The following CTSD variants were observed in gnomAD, a reference collection of about 807,000 sequenced individuals.
CTSD encodes the protein ceroid-lipofuscinosis, neuronal 10.
CTSD carries 28 observed loss-of-function variants against 43.6 expected under a neutral mutation model. The observed-to-expected ratio is 0.64, with a 90% CI of 0.48 to 0.88. CTSD has a LOEUF of 0.88. Ranked by LOEUF, CTSD falls within the 40% of genes least tolerant of loss-of-function variation. The probability of loss-of-function intolerance (pLI) is 0.00; values close to 1 mark genes in which losing one functional copy is unlikely to be tolerated. For missense variants in CTSD, 485 were observed against 555.2 expected, an observed-to-expected ratio of 0.87 and a Z score of 1.27; for synonymous variants, 270 against 249.8, an observed-to-expected ratio of 1.08 and a Z score of -0.76.
chr11:1,757,174 C>A, intron 5 of CTSD, 150 bp downstream of exon 5: 1 of 731,280 alleles, frequency 1.4e-6, no homozygotes, highest in South Asian at 1.5e-5. Context: ...GGCCAACCCC[C>A]GCCTCCCGGA....
At position 1,761,306 on chromosome 11, in the gene CTSD, C is replaced by CA; in HGVS notation, c.228+2dup. 1 of 1,613,690 alleles carries CA rather than the reference C, an allele frequency of 6.2e-7. No homozygotes were observed. The highest frequency in any genetic ancestry group is 8.5e-7 in the Non-Finnish European group (1 of 1,179,994). The stretch of plus-strand genomic sequence containing the variant: ...TGCAGCAGGGCTAAGACCTCATACT[C>CA]ACGTCCATGTAGTTCTTGAGCACCT... On this transcript the variant is annotated splice_region_variant and intron_variant, in intron 2 of 8. Transcript: ENST00000236671.
At chr11:1,761,081 C>T in intron 2 of CTSD, 1 of 573,942 alleles carries the variant, frequency 1.7e-6, no homozygotes, top group East Asian at 3.1e-5. Flanking sequence ...CACTCCCAAT[C>T]ACCCTCCCAG....
intron 5 of CTSD, 100 bp downstream of exon 5, chr11:1,757,224 A>T: frequency 1.0e-6 from 1 of 997,052 alleles, no homozygotes; most frequent in Non-Finnish European, 1.5e-6. Context: ...GCACAGCAGC[A>T]GGGAGGGGGC....
At position 1,758,918 on chromosome 11, in the gene CTSD, C is replaced by T. The variant is rs566253161; in HGVS notation, c.471+51G>A. 9.8e-6 allele frequency: 13 copies of T among 1,323,674 alleles called. No homozygotes were observed. The African/African-American group carries it at 1.4e-4, about 15-fold the overall frequency. The allele number at this position is 1,323,674 out of a possible 1,614,324, so 82.0% of individuals were successfully genotyped here. A position where few individuals can be genotyped will look rare whatever the true frequency, so the allele number is the denominator to read the frequency against. ...CAACCACATACCCACGGTGGGTGAA[C>T]CCCACACCCTGGCACCCTCGAGTCC... On this transcript the variant is annotated intron_variant, in intron 4 of 8. Coordinates refer to ENST00000236671, the MANE Select transcript of CTSD (RefSeq NM_001909.5).
chr11:1,757,318 GC>G lies in CTSD; in HGVS notation c.704+5del, dbSNP rs1565021041. ...ACGCGGAGCGAGAGGGAACCCACAC[GC>G]CCACCTGCTCAGGTAGAAGGAGAAG... On this transcript the variant is annotated splice_donor_5th_base_variant and intron_variant, in intron 5 of 8. Coordinates refer to ENST00000236671, the MANE Select transcript of CTSD (RefSeq NM_001909.5). 6.2e-7 allele frequency: 1 copy of G among 1,610,536 alleles called. No individual in the cohort carries two copies. Among genetic ancestry groups the G allele is most frequent in the Non-Finnish European group, 8.5e-7 (1 of 1,177,410 alleles).
intron 4 of CTSD, chr11:1,757,856 C>T (rs1845828913): frequency 2.1e-6 from 1 of 473,048 alleles, no homozygotes; most frequent in Non-Finnish European, 3.9e-6. Context: ...CTTACTCCCA[C>T]CACCAATGAC....
At chr11:1,754,308 C>T (rs940679941) in intron 6 of CTSD, 170 bp from the exon 7 acceptor site, 10 of 711,238 alleles carry the variant, frequency 1.4e-5, no homozygotes, top group Middle Eastern at 3.3e-4. Context: ...GGAGAGGAGA[C>T]ACAGAGTGGT....
At position 1,753,704 on chromosome 11, in the gene CTSD, A is replaced by G. The variant is rs112379600; in HGVS notation, c.1072-34T>C. 145,254 of 1,610,814 alleles carry G rather than the reference A, an allele frequency of 0.09. 6,990 individuals are homozygous for G. Among genetic ancestry groups the G allele is most frequent in the Middle Eastern group, 0.13 (768 of 6,050 alleles). On this transcript the variant is annotated intron_variant, in intron 8 of 8. Transcript: ENST00000236671. ...GCCCTGGTGGTCAGTACCCAGGCCT[A>G]GCACCACCCGCCCCCCCACCTGTTG...
At position 1,753,492 on chromosome 11, in the gene CTSD, C is replaced by T. The variant is rs377057633; in HGVS notation, c.*11G>A. 4.3e-5 allele frequency: 69 copies of T among 1,612,900 alleles called. No individual in the cohort carries two copies. Among genetic ancestry groups the T allele is most frequent in the South Asian group, 9.9e-5 (9 of 91,080 alleles). On this transcript the variant is annotated 3_prime_UTR_variant, in exon 9 of 9. Transcript: ENST00000236671. The stretch of plus-strand genomic sequence containing the variant: ...CTCTGTTTCTGTGCTGGCGCGCGGA[C>T]GCCTTGGGAACTAGAGGCGGGCAGC...
At chr11:1,763,180 G>T (rs1269441241) in intron 1 of CTSD, 1 of 152,534 alleles carries the variant, frequency 6.6e-6, no homozygotes, top group African/African-American at 2.4e-5. Context: ...TCGGCCTGAG[G>T]AGCGTGTGGG....
chr11:1,757,627 A>C, intron 4 of CTSD, 71 bp from the exon 5 acceptor site: 1 of 1,302,734 alleles, frequency 7.7e-7, no homozygotes, highest in Non-Finnish European at 1.1e-6. Flanking sequence ...GCATGAGGCT[A>C]CAAAACCCAG....
At chr11:1,761,633 G>A (rs1424303474) in intron 1 of CTSD, 165 bp from the exon 2 acceptor site, 1 of 759,192 alleles carries the variant, frequency 1.3e-6, no homozygotes, top group Non-Finnish European at 2.3e-6. Context: ...GCTCCCCCAA[G>A]TCAGTGAATG....
At chr11:1,756,298 A>G (rs928397374) in intron 5 of CTSD, among the ~76,000 whole-genome samples, 2 of 152,146 alleles carry the variant, frequency 1.3e-5, no homozygotes, top group African/African-American at 4.8e-5. Flanking sequence ...CTGTGCCCCA[A>G]GGCTCCTGGG....
Position 1,757,377 on chromosome 11 carries a change from G to A in CTSD, c.651C>T (p.Asn217=), listed in dbSNP as rs1300811596. The A allele has an allele frequency of 1.9e-6, 3 of 1,614,058 alleles. No individual in the cohort carries two copies. The highest frequency in any genetic ancestry group is 2.7e-5 in the African/African-American group (2 of 74,960). The change falls in exon 5 of 9, where the codon AAC becomes AAT. Residue 217 remains asparagine, a synonymous_variant. Transcript: ENST00000236671. ...SVNNVLPVFD[N]LMQQKLVDQN... ...GGTCCACCAGCTTCTGCTGCATCAG[G>A]TTGTCGAAGACGGGCAGCACGTTGT...
At chr11:1,759,465 A>T (rs758533592) in intron 3 of CTSD, 51 bp downstream of exon 3, 3 of 1,610,228 alleles carry the variant, frequency 1.9e-6, no homozygotes, top group Non-Finnish European at 1.7e-6. Context: ...CCCTGCAGCG[A>T]CATCCCGGAA....
In CTSD at chr11:1,757,496, C is replaced by G; in HGVS notation, c.532G>C (p.Val178Leu). ...GGCTGCTTGGTGGCCTCCCCAAAGA[C>G]CTGCCTCTCCACTTTGACACCGCCC... Reference protein sequence around the residue: ...ALGGVKVERQVFGEATKQPGI... With the variant: ...ALGGVKVERQLFGEATKQPGI... The change falls in exon 5 of 9, where the codon GTC (valine) becomes CTC (leucine). Residue 178 changes from valine (V) to leucine (L), a missense_variant. Val to Leu is a conservative substitution (Grantham distance 32). Coordinates refer to ENST00000236671, the MANE Select transcript of CTSD (RefSeq NM_001909.5). 1 of 1,613,932 alleles carries G rather than the reference C, an allele frequency of 6.2e-7. No individual in the cohort carries two copies. Among genetic ancestry groups the G allele is most frequent in the East Asian group, 2.2e-5 (1 of 44,880 alleles).
At chr11:1,755,079 A>C in intron 5 of CTSD, 51 bp from the exon 6 acceptor site, 3 of 1,611,640 alleles carry the variant, frequency 1.9e-6, no homozygotes, top group Non-Finnish European at 2.5e-6. Context: ...CAAGCACAAG[A>C]GTGCCAGGTC....
chr11:1,754,286 G>A (rs1845768290), intron 6 of CTSD, 148 bp from the exon 7 acceptor site: 2 of 904,040 alleles, frequency 2.2e-6, no homozygotes, highest in Non-Finnish European at 1.7e-6. Flanking sequence ...AAGCCCTCCA[G>A]GGAAGAGGGT....
Position 1,754,064 on chromosome 11 carries a change from A to G in CTSD, c.902T>C (p.Met301Thr). The change falls in exon 7 of 9, where the codon ATG becomes ACG. Residue 301 changes from methionine to threonine, a missense_variant. By Grantham distance (81) the Met-to-Thr change is moderately conservative. Transcript: ENST00000236671. The part of the protein sequence containing the change: ...EAIVDTGTSL[M>T]VGPVDEVREL... ...GCGCACCTCATCCACCGGGCCCACCATGAGGGAAGTGCCTGTGTCCACAAT... is the reference window on the plus strand; with the variant it reads ...GCGCACCTCATCCACCGGGCCCACCGTGAGGGAAGTGCCTGTGTCCACAAT... The G allele has an allele frequency of 1.9e-6, 3 of 1,608,316 alleles. No individual in the cohort carries two copies. Among genetic ancestry groups the G allele is most frequent in the Non-Finnish European group, 2.5e-6 (3 of 1,178,224 alleles).
Sources: gnomAD v4.1 joint callset for allele counts (sites outside exome capture counted in the v4.1 genomes callset) on GRCh38, gnomAD v4.1.1 for gene constraint, MANE v1.5 for transcripts, NCBI Gene and HGNC (gene_info 2026-07-23, HGNC 2026-07-21) for gene names.